Variants in NTNG1 observed in about 807,000 individuals in gnomAD.
The protein encoded by NTNG1 is netrin G1, also known as netrin-G1.
In NTNG1, 16 loss-of-function variants were observed where a neutral mutation model predicts 54.0. The observed-to-expected ratio is 0.30, with a 90% CI of 0.20 to 0.45. The LOEUF is 0.45. Among genes scored for constraint, NTNG1 ranks in the 20% least tolerant of loss-of-function variants. The pLI is 1.00. For missense variants in NTNG1, 530 were observed against 678.7 expected (o/e 0.78, Z 2.43); for synonymous variants, 255 against 263.1 (o/e 0.97, Z 0.30).
At chr1:107,142,674 TG>T (rs888327491) in intron 1 of NTNG1, among the ~76,000 whole-genome samples, 1 of 131,944 alleles carries the variant, frequency 7.6e-6, no homozygotes, top group Non-Finnish European at 1.6e-5. Context: ...CTTACAGAAA[TG>T]AAAAAAAAAA....
chr1:107,172,696 G>A (rs574348064), intron 2 of NTNG1, among the ~76,000 whole-genome samples: 3 of 152,246 alleles, frequency 2.0e-5, no homozygotes, highest in Non-Finnish European at 4.4e-5. Context: ...AAAGGAAATG[G>A]AATTTTTATG....
At chr1:107,396,955 T>G (rs1337846498) in intron 4 of NTNG1, among the ~76,000 whole-genome samples, 1 of 152,174 alleles carries the variant, frequency 6.6e-6, no homozygotes, top group African/African-American at 2.4e-5. Flanking sequence ...TACTTTGAAG[T>G]TTTTATTTCA....
At chr1:107,371,068 T>C (rs958583671) in intron 3 of NTNG1, among the ~76,000 whole-genome samples, 1 of 152,084 alleles carries the variant, frequency 6.6e-6, no homozygotes, top group Non-Finnish European at 1.5e-5. Context: ...AAAGAAAGCA[T>C]TCTGTCTTTG....
intron 5 of NTNG1, among the ~76,000 whole-genome samples, chr1:107,424,562 T>A (rs949107017): frequency 6.6e-6 from 1 of 152,014 alleles, no homozygotes; most frequent in Non-Finnish European, 1.5e-5. Flanking sequence ...ATGGCAGTAA[T>A]CCAAGTAAGG....
chr1:107,331,964 T>A (rs1024633175), intron 3 of NTNG1, among the ~76,000 whole-genome samples: 2 of 152,050 alleles, frequency 1.3e-5, no homozygotes, highest in Non-Finnish European at 1.5e-5. Flanking sequence ...AGTATTCAAA[T>A]GAAAAGCATG....
At chr1:107,378,176 C>A (rs1671417396) in intron 3 of NTNG1, among the ~76,000 whole-genome samples, 1 of 152,214 alleles carries the variant, frequency 6.6e-6, no homozygotes. Flanking sequence ...TAGGTCTAAA[C>A]CAACCCTGTG....
intron 2 of NTNG1, among the ~76,000 whole-genome samples, chr1:107,300,453 G>A (rs550672013): frequency 5.9e-5 from 9 of 152,094 alleles, no homozygotes; most frequent in African/African-American, 1.4e-4. Context: ...TCACCTCTGC[G>A]CCAACACTCA....
At chr1:107,328,751 T>G (rs566862027) in intron 3 of NTNG1, among the ~76,000 whole-genome samples, 6 of 152,288 alleles carry the variant, frequency 3.9e-5, no homozygotes, top group South Asian at 4.1e-4. Flanking sequence ...AAATTATTTA[T>G]TATTTCTTTG....
intron 7 of NTNG1, among the ~76,000 whole-genome samples, chr1:107,446,130 G>C (rs1263063096): frequency 3.3e-5 from 5 of 152,122 alleles, no homozygotes; most frequent in African/African-American, 7.2e-5. Flanking sequence ...TGTGTCCTCT[G>C]TCTTGACATG....
chr1:107,347,224 T>A (rs1669303043), intron 3 of NTNG1, among the ~76,000 whole-genome samples: 1 of 152,146 alleles, frequency 6.6e-6, no homozygotes, highest in South Asian at 2.1e-4. Context: ...GAATAATGAC[T>A]GGCCTCAGGC....
rs547099877 is a variant in NTNG1, at chr1:107,424,475, T to C, written c.1088-6275T>C. Among the ~76,000 whole-genome samples, 5 of 152,258 alleles carry C rather than the reference T, an allele frequency of 3.3e-5. No individual in the cohort carries two copies. The East Asian group carries it at 9.7e-4, about 29-fold the overall frequency. On this transcript the variant is annotated intron_variant, in intron 5 of 7. Transcript: ENST00000370068. ...GGCATGTCATGACCTCACTAAAGTTTTGAAAGAGTCACTCTGTCTGCTGTG... is the reference window on the plus strand; with the variant it reads ...GGCATGTCATGACCTCACTAAAGTTCTGAAAGAGTCACTCTGTCTGCTGTG...
At chr1:107,422,674 A>G (rs1674651318) in intron 5 of NTNG1, among the ~76,000 whole-genome samples, 1 of 152,116 alleles carries the variant, frequency 6.6e-6, no homozygotes, top group Non-Finnish European at 1.5e-5. Flanking sequence ...CATTTAATGC[A>G]GTGAAGGGAA....
chr1:107,287,683 T>C (rs1346250135), intron 2 of NTNG1, among the ~76,000 whole-genome samples: 1 of 152,102 alleles, frequency 6.6e-6, no homozygotes, highest in Non-Finnish European at 1.5e-5. Flanking sequence ...AATGTGAAGA[T>C]AGGGAGTTTG....
intron 2 of NTNG1, among the ~76,000 whole-genome samples, chr1:107,218,289 T>C (rs186875203): frequency 4.3e-4 from 66 of 152,310 alleles, no homozygotes; most frequent in Non-Finnish European, 1.3e-4. Context: ...GATTTTGGTG[T>C]CCATTTGCAT....
chr1:107,319,569 T>C (rs1667528117), intron 2 of NTNG1, among the ~76,000 whole-genome samples: 1 of 152,110 alleles, frequency 6.6e-6, no homozygotes, highest in Admixed American at 6.6e-5. Context: ...CTTTGTGTCT[T>C]TTTTGACTGT....
chr1:107,336,185 CT>C lies in NTNG1; in HGVS notation c.887+11276del, dbSNP rs1012269428. On this transcript the variant is annotated intron_variant, in intron 3 of 7. Transcript: ENST00000370068. ...TCACTGGGGTTTTTATGTTGTTGTT[CT>C]TTTTTTTTTTTTAATTTCAAAACTT... Among the ~76,000 whole-genome samples the C allele has an allele frequency of 7.0e-3, 979 of 140,560 alleles. 3 individuals are homozygous for C. Among genetic ancestry groups the C allele is most frequent in the Middle Eastern group, 7.4e-3 (2 of 270 alleles). 92.2% of individuals were successfully genotyped at this position (140,560 alleles called of 152,430 possible).
chr1:107,141,899 C>CA (rs938827295), intron 1 of NTNG1, among the ~76,000 whole-genome samples: 137 of 151,900 alleles, frequency 9.0e-4, no homozygotes, highest in South Asian at 4.2e-4. Flanking sequence ...ACAAAAAAAA[C>CA]AAAAAAACAC....
chr1:107,182,664 T>C (rs550851340), intron 2 of NTNG1, among the ~76,000 whole-genome samples: 1 of 152,166 alleles, frequency 6.6e-6, no homozygotes, highest in East Asian at 1.9e-4. Context: ...CATCTAGTGA[T>C]TCTCTGGGAT....
intron 7 of NTNG1, among the ~76,000 whole-genome samples, chr1:107,454,710 T>C (rs1475773230): frequency 6.6e-6 from 1 of 152,176 alleles, no homozygotes; most frequent in Non-Finnish European, 1.5e-5. Flanking sequence ...AGTCACTGGA[T>C]CATATATGAA....
Sources: gnomAD v4.1 joint callset for allele counts (sites outside exome capture counted in the v4.1 genomes callset) on GRCh38, gnomAD v4.1.1 for gene constraint, MANE v1.5 for transcripts, NCBI Gene and HGNC (gene_info 2026-07-23, HGNC 2026-07-21) for gene names.